Variants in DRC4 observed in about 807,000 individuals in gnomAD.
The protein encoded by DRC4 is dynein regulatory complex subunit 4, also known as GAS-11.
At chr16:90,027,824 C>G in the DRC4 span, 1 of 1,108,930 alleles carries the variant, frequency 9.0e-7, no homozygotes, top group Non-Finnish European at 1.4e-6. Context: ...ATCCACCCTT[C>G]TGTCCAAGCC....
chr16:90,030,486 A>G, the DRC4 span, among the ~76,000 whole-genome samples: 54 of 149,000 alleles, frequency 3.6e-4, no homozygotes, highest in South Asian at 0.011. Flanking sequence ...GACTATAGGC[A>G]TGTGCCACCA....
the DRC4 span, chr16:90,042,676 G>T: frequency 1.4e-6 from 1 of 694,922 alleles, no homozygotes; most frequent in South Asian, 1.6e-5. Flanking sequence ...CCACGTGAGG[G>T]TGCAGTCATA....
At chr16:90,032,861 A>C in the DRC4 span, 2 of 1,613,968 alleles carry the variant, frequency 1.2e-6, no homozygotes, top group South Asian at 1.1e-5. Flanking sequence ...ACATGCGGGC[A>C]CTGAAGGTGG....
At chr16:90,034,586 C>T in the DRC4 span, among the ~76,000 whole-genome samples, 3 of 152,100 alleles carry the variant, frequency 2.0e-5, no homozygotes, top group African/African-American at 4.8e-5. Context: ...TGTGCCACTG[C>T]ACTCCAGCCT....
At chr16:90,023,881 A>G in the DRC4 span, among the ~76,000 whole-genome samples, 2 of 138,156 alleles carry the variant, frequency 1.4e-5, no homozygotes, top group African/African-American at 5.0e-5. Context: ...AGTTCCAGCT[A>G]CTCGGGAGGC....
chr16:90,041,610 C>T, the DRC4 span, among the ~76,000 whole-genome samples: 12 of 152,148 alleles, frequency 7.9e-5, no homozygotes, highest in Non-Finnish European at 2.9e-5. Context: ...TCAAGACCAG[C>T]CTGGCCAAGA....
At chr16:90,041,551 A>T in the DRC4 span, among the ~76,000 whole-genome samples, 1 of 152,314 alleles carries the variant, frequency 6.6e-6, no homozygotes, top group Non-Finnish European at 1.5e-5. Context: ...CACGCCTGTA[A>T]TCCCAGCACT....
At chr16:90,024,123 T>TACACACACACACACACACAC in the DRC4 span, among the ~76,000 whole-genome samples, 788 of 139,426 alleles carry the variant, frequency 5.7e-3, 16 homozygotes, top group East Asian at 0.01. Flanking sequence ...TTACTAAAAA[T>TACACACACACACACACACAC]ACACACACAC....
chr16:90,042,501 A>G, the DRC4 span: 2 of 1,613,864 alleles, frequency 1.2e-6, no homozygotes, highest in African/African-American at 2.7e-5. Context: ...AGCACCATCA[A>G]GGACCTGCAG....
the DRC4 span, among the ~76,000 whole-genome samples, chr16:90,028,173 A>ATTTTTTTTTT: frequency 4.6e-3 from 292 of 63,854 alleles, 55 homozygotes; most frequent in African/African-American, 7.8e-3. Context: ...TTAATCGTTC[A>ATTTTTTTTTT]TTTTTTTTTT....
At chr16:90,022,515 A>C in the DRC4 span, 1 of 491,464 alleles carries the variant, frequency 2.0e-6, no homozygotes, top group South Asian at 3.5e-5. Context: ...TGCCGGCGAC[A>C]TTTTCCCAAC....
the DRC4 span, among the ~76,000 whole-genome samples, chr16:90,026,215 T>C: frequency 6.6e-6 from 1 of 152,180 alleles, no homozygotes; most frequent in Non-Finnish European, 1.5e-5. Flanking sequence ...GGAAATTTGT[T>C]ACCTGCTTGA....
chr16:90,043,488 C>T, the DRC4 span: 138 of 882,720 alleles, frequency 1.6e-4, no homozygotes, highest in African/African-American at 2.2e-3. Context: ...CATCCTCTTT[C>T]CTGGCTCTGT....
chr16:90,020,350 A>C, the DRC4 span, among the ~76,000 whole-genome samples: 1 of 152,122 alleles, frequency 6.6e-6, no homozygotes, highest in Non-Finnish European at 1.5e-5. Context: ...TCTAGTCTTC[A>C]TAAACACTCT....
the DRC4 span, chr16:90,029,698 C>T: frequency 2.0e-5 from 4 of 203,734 alleles, no homozygotes; most frequent in South Asian, 3.6e-4. Flanking sequence ...TGTGTTTTCC[C>T]TGTGGGGAAT....
At chr16:90,024,533 T>A in the DRC4 span, among the ~76,000 whole-genome samples, 1 of 152,214 alleles carries the variant, frequency 6.6e-6, no homozygotes, top group Non-Finnish European at 1.5e-5. Context: ...TTTATCTGCC[T>A]AGTGACCTTG....
the DRC4 span, chr16:90,040,268 C>T: frequency 1.9e-6 from 3 of 1,548,556 alleles, no homozygotes; most frequent in South Asian, 3.6e-5. Flanking sequence ...GGTGAGGGGC[C>T]TCATCGCCCA....
At chr16:90,036,754 A>G in the DRC4 span, 1 of 730,006 alleles carries the variant, frequency 1.4e-6, no homozygotes, top group Non-Finnish European at 2.4e-6. Flanking sequence ...TTCCTAAATA[A>G]CGTAACCTAT....
chr16:90,040,124 A>G, the DRC4 span: 1 of 648,668 alleles, frequency 1.5e-6, no homozygotes, highest in South Asian at 1.8e-5. Context: ...GGATGGCTCT[A>G]CAAAGGGCCA....
Sources: gnomAD v4.1 joint callset for allele counts (sites outside exome capture counted in the v4.1 genomes callset) on GRCh38, gnomAD v4.1.1 for gene constraint, MANE v1.5 for transcripts, NCBI Gene and HGNC (gene_info 2026-07-23, HGNC 2026-07-21) for gene names.